Variants in KCTD8 observed in about 807,000 individuals in gnomAD.
The protein encoded by KCTD8 is BTB/POZ domain-containing protein KCTD8.
Under a neutral mutation model 31.5 loss-of-function variants are expected in KCTD8, and 27 were observed. That is an observed-to-expected ratio of 0.86 (90% CI 0.63 to 1.18). The LOEUF is 1.18. KCTD8 is among the 50% of genes most tolerant of loss of function. KCTD8 has a pLI of 0.00. For missense variants in KCTD8, 658 were observed against 647.7 expected (o/e 1.02, Z -0.17); for synonymous variants, 290 against 280.0 (o/e 1.04, Z -0.36).
At chr4:44,370,031 A>G (rs1490721870) in intron 1 of KCTD8, among the ~76,000 whole-genome samples, 1 of 152,180 alleles carries the variant, frequency 6.6e-6, no homozygotes, top group Non-Finnish European at 1.5e-5. Flanking sequence ...CTGGATGGGA[A>G]CTAGTATCTT....
intron 1 of KCTD8, among the ~76,000 whole-genome samples, chr4:44,187,606 G>A (rs374050161): frequency 2.0e-5 from 3 of 152,244 alleles, no homozygotes; most frequent in African/African-American, 7.2e-5. Flanking sequence ...ACAAGTATAT[G>A]TTTTATGAGA....
At chr4:44,215,259 C>T (rs575782751) in intron 1 of KCTD8, among the ~76,000 whole-genome samples, 2 of 152,142 alleles carry the variant, frequency 1.3e-5, no homozygotes, top group East Asian at 1.9e-4. Context: ...TTGATAAATT[C>T]GCTCTGTCTA....
intron 1 of KCTD8, among the ~76,000 whole-genome samples, chr4:44,313,023 T>G (rs1412618173): frequency 6.6e-6 from 1 of 152,166 alleles, no homozygotes; most frequent in East Asian, 1.9e-4. Context: ...TTGAGGTCAC[T>G]TTCATAATCA....
chr4:44,442,479 C>T (rs1173818170), intron 1 of KCTD8, among the ~76,000 whole-genome samples: 1 of 151,906 alleles, frequency 6.6e-6, no homozygotes, highest in Non-Finnish European at 1.5e-5. Flanking sequence ...CCCAGCTACT[C>T]GGGAGGCCGA....
chr4:44,281,062 T>C (rs1042750884), intron 1 of KCTD8, among the ~76,000 whole-genome samples: 8 of 151,988 alleles, frequency 5.3e-5, no homozygotes, highest in African/African-American at 1.4e-4. Flanking sequence ...AATGAGTAAG[T>C]TGAGGACAAG....
At chr4:44,288,582 T>A (rs895657067) in intron 1 of KCTD8, among the ~76,000 whole-genome samples, 2 of 152,080 alleles carry the variant, frequency 1.3e-5, no homozygotes, top group Non-Finnish European at 2.9e-5. Context: ...ATCAAAAACA[T>A]TGGATGCCTA....
chr4:44,412,977 T>A (rs1321420674), intron 1 of KCTD8, among the ~76,000 whole-genome samples: 1 of 152,180 alleles, frequency 6.6e-6, no homozygotes, highest in Admixed American at 6.6e-5. Flanking sequence ...TCGCTGCAAT[T>A]TATTTATCAA....
chr4:44,258,246 G>A (rs1053415068), intron 1 of KCTD8, among the ~76,000 whole-genome samples: 4 of 151,902 alleles, frequency 2.6e-5, no homozygotes, highest in African/African-American at 7.2e-5. Flanking sequence ...ACTTGAACTA[G>A]GAGTTGAAAC....
chr4:44,234,772 C>A (rs1715226621), intron 1 of KCTD8, among the ~76,000 whole-genome samples: 1 of 152,176 alleles, frequency 6.6e-6, no homozygotes, highest in African/African-American at 2.4e-5. Context: ...AAGGTTCCCA[C>A]CCTCAGGGTC....
chr4:44,301,607 C>T (rs1008269889), intron 1 of KCTD8, among the ~76,000 whole-genome samples: 2 of 152,016 alleles, frequency 1.3e-5, no homozygotes, highest in African/African-American at 4.8e-5. Flanking sequence ...ATTGTAGATT[C>T]TGGATATTAG....
chr4:44,264,445 C>T (rs750359179), intron 1 of KCTD8, among the ~76,000 whole-genome samples: 5 of 152,116 alleles, frequency 3.3e-5, no homozygotes, highest in Non-Finnish European at 7.4e-5. Context: ...ATTATAAAGT[C>T]CCAGAAGGCA....
In KCTD8 at chr4:44,447,771, C is replaced by T; in HGVS notation, c.753G>A (p.Thr251=). Residue 251 remains threonine (T), a synonymous_variant, in exon 1 of 2, where the codon ACG becomes ACA. Coordinates refer to ENST00000360029, the MANE Select transcript of KCTD8 (RefSeq NM_198353.3). ...IALAKEVFGD[T]LNESRDPDRQ... is the part of the protein sequence containing the mutation. ...GGTCGGGGTCGCGGCTCTCGTTGAG[C>T]GTGTCCCCGAAGACCTCCTTGGCCA... is the stretch of plus-strand genomic sequence containing the variant. The T allele has an allele frequency of 1.2e-6, 2 of 1,611,044 alleles. No homozygotes were observed. The highest frequency in any genetic ancestry group is 1.1e-5 in the South Asian group (1 of 90,464).
At chr4:44,214,375 G>A (rs1329699234) in intron 1 of KCTD8, among the ~76,000 whole-genome samples, 1 of 152,042 alleles carries the variant, frequency 6.6e-6, no homozygotes, top group Non-Finnish European at 1.5e-5. Flanking sequence ...TCTACTTTAG[G>A]CAGTGTCTCA....
At chr4:44,404,073 T>C (rs977057348) in intron 1 of KCTD8, among the ~76,000 whole-genome samples, 4 of 152,194 alleles carry the variant, frequency 2.6e-5, no homozygotes, top group African/African-American at 9.6e-5. Flanking sequence ...ACCCATTTCT[T>C]AGATTCAATG....
intron 1 of KCTD8, among the ~76,000 whole-genome samples, chr4:44,242,625 G>A (rs1203416602): frequency 6.6e-6 from 1 of 151,918 alleles, no homozygotes; most frequent in East Asian, 1.9e-4. Context: ...AAAACTTGTT[G>A]ATATAGTTTG....
At chr4:44,184,697 C>G (rs942360790) in intron 1 of KCTD8, among the ~76,000 whole-genome samples, 1 of 152,176 alleles carries the variant, frequency 6.6e-6, no homozygotes, top group South Asian at 2.1e-4. Context: ...TATTTTCATG[C>G]CTCTGAATTT....
At chr4:44,234,490 T>C (rs1577844790) in intron 1 of KCTD8, among the ~76,000 whole-genome samples, 1 of 152,172 alleles carries the variant, frequency 6.6e-6, no homozygotes, top group African/African-American at 2.4e-5. Context: ...TCAGGAAGAA[T>C]ACAGGAAAGT....
At chr4:44,199,157 C>A (rs193121266) in intron 1 of KCTD8, among the ~76,000 whole-genome samples, 103 of 152,204 alleles carry the variant, frequency 6.8e-4, no homozygotes, top group African/African-American at 2.3e-3. Context: ...AAAACAAGTT[C>A]TTTTTGACTA....
At chr4:44,430,773 G>GT (rs1363340787) in intron 1 of KCTD8, among the ~76,000 whole-genome samples, 1 of 151,526 alleles carries the variant, frequency 6.6e-6, no homozygotes, top group African/African-American at 2.4e-5. Flanking sequence ...TCCTAAATCA[G>GT]TTTTTCCTCT....
Sources: allele counts gnomAD v4.1 joint callset (sites outside exome capture counted in the v4.1 genomes callset), GRCh38; gene constraint gnomAD v4.1.1; transcripts MANE v1.5; gene names NCBI Gene and HGNC (gene_info 2026-07-23, HGNC 2026-07-21).